RIMS3: variants seen among roughly 807,000 people sequenced by gnomAD.
RIMS3 encodes the protein regulating synaptic membrane exocytosis protein 3.
Under a neutral mutation model 29.2 loss-of-function variants are expected in RIMS3, and 15 were observed. That is an observed-to-expected ratio of 0.51 (90% CI 0.34 to 0.79). RIMS3 has a LOEUF of 0.79. Ranked by LOEUF, RIMS3 falls within the 30% of genes least tolerant of loss-of-function variation. The pLI, the probability that RIMS3 is intolerant of heterozygous loss-of-function variation, is 0.01. For missense variants in RIMS3, 342 were observed against 421.4 expected (o/e 0.81, Z 1.65); for synonymous variants, 161 against 170.1 (o/e 0.95, Z 0.41).
the RIMS3 span, among the ~76,000 whole-genome samples, chr1:40,686,899 A>G: frequency 6.6e-6 from 1 of 151,742 alleles, no homozygotes; most frequent in Non-Finnish European, 1.5e-5. Context: ...TCTTTTCCAG[A>G]TTGCTTTTAA....
intron 3 of RIMS3, among the ~76,000 whole-genome samples, chr1:40,638,771 T>A (rs1646537356): frequency 6.6e-6 from 1 of 152,158 alleles, no homozygotes; most frequent in South Asian, 2.1e-4. Flanking sequence ...TCCTCACTGC[T>A]CCCACGACTT....
intron 4 of RIMS3, 95 bp from the exon 5 acceptor site, chr1:40,633,276 T>A: frequency 3.4e-6 from 3 of 887,810 alleles, no homozygotes; most frequent in Non-Finnish European, 5.5e-6. Flanking sequence ...CCTGGGGCCC[T>A]GGGCACGTCC....
intron 2 of RIMS3, 60 bp downstream of exon 2, chr1:40,647,608 C>T (rs1230963054): frequency 1.3e-5 from 2 of 152,202 alleles, no homozygotes; most frequent in Non-Finnish European, 2.9e-5. Flanking sequence ...ACTCTCAGGT[C>T]TCACATCACC....
At chr1:40,678,080 C>T in the RIMS3 span, among the ~76,000 whole-genome samples, 1 of 152,278 alleles carries the variant, frequency 6.6e-6, no homozygotes, top group Non-Finnish European at 1.5e-5. Flanking sequence ...AGGTTGAGAA[C>T]CATCAGTCTA....
Position 40,624,103 on chromosome 1 carries a change from G to A in RIMS3, c.*2414C>T, listed in dbSNP as rs763090482. On this transcript the variant is annotated 3_prime_UTR_variant, in exon 8 of 8. Coordinates refer to ENST00000372684, the MANE Select transcript of RIMS3 (RefSeq NM_014747.3). Reference sequence around the variant, plus strand: ...TCCCCTGTGCTAACCCTTCCCCAGAGGCAAGGGTCACCACGGCCTGGAACC... The same window carrying A: ...TCCCCTGTGCTAACCCTTCCCCAGAAGCAAGGGTCACCACGGCCTGGAACC... The A allele has an allele frequency of 2.6e-5, 4 of 152,186 alleles. No individual in the cohort carries two copies. Among genetic ancestry groups the A allele is most frequent in the Admixed American group, 2.0e-4 (3 of 15,272 alleles). The allele number at this position is 152,186 out of a possible 1,614,324, so 9.4% of individuals were successfully genotyped here.
the RIMS3 span, among the ~76,000 whole-genome samples, chr1:40,689,759 T>C: frequency 6.6e-6 from 1 of 152,184 alleles, no homozygotes. Context: ...ATTAGGCTTA[T>C]ATGTATCAAT....
chr1:40,652,630 T>C (rs1326021082), intron 1 of RIMS3, among the ~76,000 whole-genome samples: 1 of 151,830 alleles, frequency 6.6e-6, no homozygotes, highest in Non-Finnish European at 1.5e-5. Flanking sequence ...AGCAGCGCAG[T>C]TGGAGAGGAG....
the RIMS3 span, among the ~76,000 whole-genome samples, chr1:40,676,860 AG>A: frequency 9.2e-5 from 14 of 152,340 alleles, no homozygotes; most frequent in Middle Eastern, 6.8e-3. Context: ...AAACTCAGGC[AG>A]GATGGACAAG....
chr1:40,679,498 G>A, the RIMS3 span, among the ~76,000 whole-genome samples: 2 of 152,344 alleles, frequency 1.3e-5, no homozygotes, highest in East Asian at 1.9e-4. Flanking sequence ...AAGGCCATAT[G>A]TATTGGACAT....
the RIMS3 span, chr1:40,691,715 GGCC>G: frequency 4.4e-6 from 2 of 454,304 alleles, no homozygotes; most frequent in East Asian, 7.2e-5. Flanking sequence ...CAAACGGCGT[GGCC>G]GCCATCTTGC....
the RIMS3 span, among the ~76,000 whole-genome samples, chr1:40,682,741 C>CTTTTTTTTTTTCTTTTTTTTTTTT: frequency 1.3e-5 from 1 of 77,514 alleles, no homozygotes; most frequent in Non-Finnish European, 2.5e-5. Flanking sequence ...CTTTGCAGAT[C>CTTTTTTTTTTTCTTTTTTTTTTTT]TTTTTTTTTT....
Position 40,641,854 on chromosome 1 carries a change from G to A in RIMS3, c.72C>T (p.Ser24=), listed in dbSNP as rs768075309. Reference sequence around the variant, plus strand: ...CTTGCTGGGATCCGCAGATTTCACCGCTAATGCTGGAGCTCCGCACCACAT... The same window carrying A: ...CTTGCTGGGATCCGCAGATTTCACCACTAATGCTGGAGCTCCGCACCACAT... ...SRNVVRSSSI[S]GEICGSQQAG... Residue 24 remains serine, a synonymous_variant, in exon 3 of 8, where the codon AGC becomes AGT. Transcript: ENST00000372684. 1.3e-5 allele frequency: 21 copies of A among 1,613,396 alleles called. No individual in the cohort carries two copies. The highest frequency in any genetic ancestry group is 2.7e-5 in the African/African-American group (2 of 74,922).
At chr1:40,657,273 T>G (rs925437663) in intron 1 of RIMS3, among the ~76,000 whole-genome samples, 1 of 152,138 alleles carries the variant, frequency 6.6e-6, no homozygotes, top group African/African-American at 2.4e-5. Context: ...TGTTCCACAG[T>G]TGGCAGCCCT....
chr1:40,623,433 T>G lies in RIMS3; in HGVS notation c.*3084A>C. 2.5e-6 allele frequency: 1 copy of G among 398,584 alleles called. No individual in the cohort carries two copies. The highest frequency in any genetic ancestry group is 4.4e-6 in the Non-Finnish European group (1 of 226,098). 24.7% of individuals were successfully genotyped at this position (398,584 alleles called of 1,614,324 possible). On this transcript the variant is annotated 3_prime_UTR_variant, in exon 8 of 8. Transcript: ENST00000372684. Reference sequence around the variant, plus strand: ...AAAGACAGACGCTCTGAGTCATCCATCACTGTCCCTGCCCACAACCCAACA... The same window carrying G: ...AAAGACAGACGCTCTGAGTCATCCAGCACTGTCCCTGCCCACAACCCAACA...
chr1:40,652,168 G>A (rs1412656699), intron 1 of RIMS3, among the ~76,000 whole-genome samples: 1 of 152,144 alleles, frequency 6.6e-6, no homozygotes, highest in Admixed American at 6.5e-5. Context: ...CCTTACAGGG[G>A]CTGCTAAACT....
rs751077840 is a variant in RIMS3, at chr1:40,636,000, G to A, written c.275C>T (p.Ala92Val). ...NIRRSTETGI[A>V]VEMRSRVTRQ... ...TGTGACCCGGCTCCGCATCTCCACC[G>A]CGATGCCTGTCTCCGTGCTCCGGCG... is the stretch of plus-strand genomic sequence containing the variant. The change falls in exon 4 of 8, where the codon GCG (alanine) becomes GTG (valine). Residue 92 changes from alanine to valine, a missense_variant. Ala to Val is a moderately conservative substitution (Grantham distance 64). Transcript: ENST00000372684. The surrounding 1 kb of genome is among the most constrained non-coding windows in gnomAD (Gnocchi z 4.1). The A allele has an allele frequency of 6.2e-6, 10 of 1,609,432 alleles. No individual in the cohort carries two copies. Among genetic ancestry groups the A allele is most frequent in the Admixed American group, 1.7e-5 (1 of 59,994 alleles).
intron 1 of RIMS3, among the ~76,000 whole-genome samples, chr1:40,650,802 G>A (rs1646626954): frequency 7.4e-6 from 1 of 135,642 alleles, no homozygotes; most frequent in African/African-American, 2.7e-5. Flanking sequence ...GGAGGCAGAA[G>A]TTGTAGTGAG....
chr1:40,650,270 T>C (rs1411441395), intron 1 of RIMS3, among the ~76,000 whole-genome samples: 1 of 152,178 alleles, frequency 6.6e-6, no homozygotes, highest in Non-Finnish European at 1.5e-5. Flanking sequence ...GGGCCTTCAC[T>C]GGGCTGGGGG....
At chr1:40,644,160 G>A (rs1646579468) in intron 2 of RIMS3, among the ~76,000 whole-genome samples, 1 of 152,212 alleles carries the variant, frequency 6.6e-6, no homozygotes, top group Non-Finnish European at 1.5e-5. Context: ...AACAGACAGC[G>A]CTCAGACAGA....
Sources: gnomAD v4.1 joint callset for allele counts (sites outside exome capture counted in the v4.1 genomes callset) on GRCh38, gnomAD v4.1.1 for gene constraint, Gnocchi (gnomAD v3.1) non-coding constraint, MANE v1.5 for transcripts, NCBI Gene and HGNC (gene_info 2026-07-23, HGNC 2026-07-21) for gene names.